The following ANKFY1 variants were observed in gnomAD, a reference collection of about 807,000 sequenced individuals.
ANKFY1 encodes the protein ankyrin repeat and FYVE domain-containing protein 1.
Under a neutral mutation model 128.3 loss-of-function variants are expected in ANKFY1, and 47 were observed. The ratio of observed to expected loss-of-function variants is 0.37; its 90% CI spans 0.29 to 0.47. ANKFY1 has a LOEUF of 0.47. Ranked by LOEUF, ANKFY1 falls within the 20% of genes least tolerant of loss-of-function variation. The pLI is 1.00. For missense variants in ANKFY1, 1,222 were observed against 1,510.6 expected (o/e 0.81, Z 3.17); for synonymous variants, 553 against 601.6 (o/e 0.92, Z 1.18).
chr17:4,172,651 T>G lies in ANKFY1; in HGVS notation c.3044A>C (p.Gln1015Pro). 1 of 1,614,136 alleles carries G rather than the reference T, an allele frequency of 6.2e-7. No homozygotes were observed. Among genetic ancestry groups the G allele is most frequent in the Middle Eastern group, 1.6e-4 (1 of 6,062 alleles). ...GGCCGCTGCATTCTCCTTGCCATAT[T>G]GTCCCAAAATGTGCAGTGGTGACTG... Reference protein sequence around the residue: ...RGQSPLHILGQYGKENAAAIF... With the variant: ...RGQSPLHILGPYGKENAAAIF... The change falls in exon 22 of 25, where the codon CAA becomes CCA. Residue 1015 changes from glutamine (Q) to proline (P), a missense_variant. Coordinates refer to ENST00000341657, the MANE Select transcript of ANKFY1 (RefSeq NM_001330063.2).
At chr17:4,207,675 TAAG>T (rs2060050051) in intron 6 of ANKFY1, among the ~76,000 whole-genome samples, 1 of 149,518 alleles carries the variant, frequency 6.7e-6, no homozygotes, top group South Asian at 2.1e-4. Flanking sequence ...ACCTAAAAGT[TAAG>T]AAGCGTTTAA....
Position 4,183,801 on chromosome 17 carries a change from C to G in ANKFY1, c.1798+11G>C. 3 of 1,605,598 alleles carry G rather than the reference C, an allele frequency of 1.9e-6. No homozygotes were observed. On this transcript the variant is annotated intron_variant, in intron 13 of 24. Coordinates refer to ENST00000341657, the MANE Select transcript of ANKFY1 (RefSeq NM_001330063.2). Reference sequence around the variant, plus strand: ...TGTCTGCAGACATCAGCGGCCCCGGCACAGCCTTACCAGTCCATAATGCCA... The same window carrying G: ...TGTCTGCAGACATCAGCGGCCCCGGGACAGCCTTACCAGTCCATAATGCCA...
At chr17:4,261,000 A>T (rs1302368099) in intron 1 of ANKFY1, among the ~76,000 whole-genome samples, 1 of 152,228 alleles carries the variant, frequency 6.6e-6, no homozygotes, top group Non-Finnish European at 1.5e-5. Flanking sequence ...GGCTCTGAGA[A>T]TCTGATTAAA....
intron 3 of ANKFY1, among the ~76,000 whole-genome samples, chr17:4,231,690 C>T (rs1277899759): frequency 6.6e-6 from 1 of 151,216 alleles, no homozygotes; most frequent in Non-Finnish European, 1.5e-5. Context: ...ACCTGTAATC[C>T]CAACAGGCCT....
At chr17:4,254,057 G>A (rs1170384588) in intron 1 of ANKFY1, among the ~76,000 whole-genome samples, 1 of 152,162 alleles carries the variant, frequency 6.6e-6, no homozygotes, top group Non-Finnish European at 1.5e-5. Context: ...TGTAATCCCA[G>A]CACTTTGAGA....
At chr17:4,244,498 G>A (rs1220275004) in intron 1 of ANKFY1, among the ~76,000 whole-genome samples, 3 of 151,932 alleles carry the variant, frequency 2.0e-5, no homozygotes, top group African/African-American at 4.8e-5. Flanking sequence ...AGGTCTCTAC[G>A]GCTCCACACT....
In ANKFY1 at chr17:4,178,483, C is replaced by T. The variant is rs987129442; in HGVS notation, c.2598+374G>A. The T allele has an allele frequency of 1.6e-5, 4 of 252,922 alleles. No individual in the cohort carries two copies. The highest frequency in any genetic ancestry group is 5.6e-5 in the South Asian group (1 of 17,736). 15.7% of individuals were successfully genotyped at this position (252,922 alleles called of 1,614,324 possible). A position where few individuals can be genotyped will look rare whatever the true frequency, so the allele number is the denominator to read the frequency against. ...GAGGCTACTGAGCAACTGAACTCCT[C>T]GGAAACACTCAGGAAGTTGCCCCAA... On this transcript the variant is annotated intron_variant, in intron 18 of 24. Transcript: ENST00000341657. This position sits in a 1 kb window ranked among gnomAD's most constrained non-coding sequence, Gnocchi z 4.1.
Position 4,206,445 on chromosome 17 carries a change from C to G in ANKFY1, c.774G>C (p.Leu258=), listed in dbSNP as rs1312159431. 6.2e-7 allele frequency: 1 copy of G among 1,614,110 alleles called. No individual in the cohort carries two copies. The highest frequency in any genetic ancestry group is 1.1e-5 in the South Asian group (1 of 91,080). Residue 258 remains leucine, a synonymous_variant, in exon 7 of 25, where the codon CTG becomes CTC. Transcript: ENST00000341657. ...KLNEADHNGD[L]ALDLALSRRL... ...GTCGTGAGAGGGCTAGATCTAATGC[C>G]AGATCTCCGTTATGATCCGCTTCAT...
intron 6 of ANKFY1, 101 bp from the exon 7 acceptor site, chr17:4,206,587 G>C: frequency 8.8e-7 from 1 of 1,132,054 alleles, no homozygotes; most frequent in South Asian, 1.6e-5. Flanking sequence ...TTATACAAAT[G>C]TCAAATTTAA....
chr17:4,194,101 A>ATTTTTT (rs1470223065), intron 10 of ANKFY1, among the ~76,000 whole-genome samples: 2 of 93,326 alleles, frequency 2.1e-5, no homozygotes, highest in African/African-American at 1.1e-4. Flanking sequence ...ATATATATAT[A>ATTTTTT]TATTTTTTTT....
At chr17:4,203,156 C>G (rs1003104389) in intron 7 of ANKFY1, among the ~76,000 whole-genome samples, 1 of 151,990 alleles carries the variant, frequency 6.6e-6, no homozygotes, top group Non-Finnish European at 1.5e-5. Context: ...TCACAATCAC[C>G]GTTTATAAGG....
At chr17:4,210,695 C>T (rs1425639102) in intron 4 of ANKFY1, among the ~76,000 whole-genome samples, 1 of 33,850 alleles carries the variant, frequency 3.0e-5, no homozygotes, top group Non-Finnish European at 5.5e-5. Flanking sequence ...GCGACAAAGG[C>T]AAAACTCTGT....
At chr17:4,208,792 C>T (rs1490837986) in intron 5 of ANKFY1, among the ~76,000 whole-genome samples, 17 of 152,300 alleles carry the variant, frequency 1.1e-4, no homozygotes, top group African/African-American at 2.4e-4. Context: ...CAGTGGCTCA[C>T]GCCTGTACTC....
At chr17:4,208,160 A>T in intron 5 of ANKFY1, 78 bp from the exon 6 acceptor site, 1 of 1,423,576 alleles carries the variant, frequency 7.0e-7, no homozygotes, top group Non-Finnish European at 9.4e-7. Flanking sequence ...AGCCTCTCAA[A>T]TGCATCAGTC....
chr17:4,217,896 C>A (rs1659216660), intron 3 of ANKFY1, among the ~76,000 whole-genome samples: 2 of 152,120 alleles, frequency 1.3e-5, no homozygotes, highest in African/African-American at 2.4e-5. Flanking sequence ...GTTGCCCAGG[C>A]TGGTCTCGAA....
chr17:4,180,019 C>CA, intron 16 of ANKFY1, 142 bp from the exon 17 acceptor site: 1 of 1,040,124 alleles, frequency 9.6e-7, no homozygotes, highest in Non-Finnish European at 1.4e-6. Context: ...TCCCTGGCCT[C>CA]AAATACCAGA....
chr17:4,261,689 G>T (rs910980358), intron 1 of ANKFY1, among the ~76,000 whole-genome samples: 2 of 152,188 alleles, frequency 1.3e-5, no homozygotes, highest in African/African-American at 2.4e-5. Context: ...GCTGGAACCC[G>T]ACTGCAAAGC....
In ANKFY1 at chr17:4,167,744, A is replaced by C; in HGVS notation, c.*35T>G. On this transcript the variant is annotated 3_prime_UTR_variant, in exon 25 of 25. Transcript: ENST00000341657. The surrounding 1 kb of genome is among the most constrained non-coding windows in gnomAD (Gnocchi z 4.1). ...GAGCAGAGCAGCTGCTGGGGAGGTGACCAAGGACGTGGCCTGGACCCTCCG... is the reference window on the plus strand; with the variant it reads ...GAGCAGAGCAGCTGCTGGGGAGGTGCCCAAGGACGTGGCCTGGACCCTCCG... 1 of 1,582,538 alleles carries C rather than the reference A, an allele frequency of 6.3e-7. No individual in the cohort carries two copies. The highest frequency in any genetic ancestry group is 8.6e-7 in the Non-Finnish European group (1 of 1,161,480).
At chr17:4,182,948 G>A (rs1190435416) in intron 14 of ANKFY1, among the ~76,000 whole-genome samples, 1 of 151,996 alleles carries the variant, frequency 6.6e-6, no homozygotes, top group African/African-American at 2.4e-5. Context: ...TCTACTAAAA[G>A]TACAAAAATG....
Sources: allele counts gnomAD v4.1 joint callset (sites outside exome capture counted in the v4.1 genomes callset), GRCh38; gene constraint gnomAD v4.1.1; non-coding constraint Gnocchi (gnomAD v3.1); transcripts MANE v1.5; gene names NCBI Gene and HGNC (gene_info 2026-07-23, HGNC 2026-07-21).